The following OR6C2 variants were observed in gnomAD, a reference collection of about 807,000 sequenced individuals.
The protein encoded by OR6C2 is olfactory receptor family 6 subfamily C member 2.
For missense variants in OR6C2, 435 were observed against 365.8 expected, an observed-to-expected ratio of 1.19 and a Z score of -1.54; for synonymous variants, 146 against 134.2, an observed-to-expected ratio of 1.09 and a Z score of -0.61.
chr12:55,450,465 C>A (rs747966910), intron 1 of OR6C2, among the ~76,000 whole-genome samples: 18 of 152,096 alleles, frequency 1.2e-4, no homozygotes, highest in South Asian at 4.1e-4. Flanking sequence ...AAGAGCCTGG[C>A]AGTCCACATG....
chr12:55,445,371 T>C (rs1328059166), intron 1 of OR6C2, among the ~76,000 whole-genome samples: 7 of 152,200 alleles, frequency 4.6e-5, no homozygotes, highest in South Asian at 4.1e-4. Flanking sequence ...AGGAATTCAT[T>C]TTCCCAGGCC....
chr12:55,449,230 G>T (rs547555777), intron 1 of OR6C2, among the ~76,000 whole-genome samples: 1 of 151,976 alleles, frequency 6.6e-6, no homozygotes, highest in East Asian at 1.9e-4. Flanking sequence ...TCTTGACATT[G>T]CAGTATAAGC....
intron 1 of OR6C2, among the ~76,000 whole-genome samples, chr12:55,449,838 A>G (rs10783744): frequency 0.75 from 113,700 of 151,700 alleles, 42,792 homozygotes; most frequent in East Asian, 0.89. Context: ...AAAGAAAGAA[A>G]TAGTTCAGAG....
intron 1 of OR6C2, among the ~76,000 whole-genome samples, 188 bp from the exon 2 acceptor site, chr12:55,451,139 C>T (rs942783303): frequency 1.3e-5 from 2 of 151,908 alleles, no homozygotes; most frequent in South Asian, 4.2e-4. Context: ...AGTTGTCCAT[C>T]CCCTCAAGCA....
chr12:55,450,401 G>A (rs1289669492), intron 1 of OR6C2, among the ~76,000 whole-genome samples: 3 of 152,086 alleles, frequency 2.0e-5, no homozygotes, highest in African/African-American at 4.8e-5. Context: ...GAAGAAGAAA[G>A]GTAAGAAAAT....
intron 1 of OR6C2, among the ~76,000 whole-genome samples, chr12:55,447,323 G>T (rs117208460): frequency 1.4e-5 from 2 of 144,524 alleles, no homozygotes; most frequent in Admixed American, 6.9e-5. Context: ...TAGTTTTTGG[G>T]TTTTTTTTTT....
At position 55,453,125 on chromosome 12, in the gene OR6C2, G is replaced by C. The variant is rs763541826; in HGVS notation, c.912G>C (p.Lys304Asn). ...QVKQAFSDSIKRIAFLSKK is the reference protein window; with the variant it reads ...QVKQAFSDSINRIAFLSKK ...AACAAGCTTTCAGTGACTCTATAAA[G>C]AGGATTGCATTTCTCTCAAAGAAGT... Residue 304 changes from lysine to asparagine, a missense_variant, in exon 2 of 2, where the codon AAG (lysine) becomes AAC (asparagine). Physicochemically the swap from Lys to Asn is moderately conservative, Grantham distance 94. Transcript: ENST00000641202. 2.5e-6 allele frequency: 4 copies of C among 1,612,604 alleles called. No individual in the cohort carries two copies. Among genetic ancestry groups the C allele is most frequent in the South Asian group, 1.1e-5 (1 of 90,990 alleles).
intron 1 of OR6C2, among the ~76,000 whole-genome samples, chr12:55,447,851 C>CAACA: frequency 6.6e-6 from 1 of 151,794 alleles, no homozygotes; most frequent in East Asian, 1.9e-4. Flanking sequence ...GCATATATAC[C>CAACA]AACAGGTGGG....
rs1871529312 is a variant in OR6C2, at chr12:55,453,253, T to C, written c.*101T>C. Reference sequence around the variant, plus strand: ...TTGCTTCCTGACTACAGTTTAGTCATGTGAACCTTCTCAATGACATTTAAT... The same window carrying C: ...TTGCTTCCTGACTACAGTTTAGTCACGTGAACCTTCTCAATGACATTTAAT... On this transcript the variant is annotated 3_prime_UTR_variant, in exon 2 of 2. Coordinates refer to ENST00000641202, the MANE Select transcript of OR6C2 (RefSeq NM_054105.2). 1 of 775,212 alleles carries C rather than the reference T, an allele frequency of 1.3e-6. No homozygotes were observed. 48.0% of individuals were successfully genotyped at this position (775,212 alleles called of 1,614,324 possible). A position where few individuals can be genotyped will look rare whatever the true frequency, so the allele number is the denominator to read the frequency against.
At chr12:55,448,251 A>G (rs192111837) in intron 1 of OR6C2, among the ~76,000 whole-genome samples, 76 of 151,908 alleles carry the variant, frequency 5.0e-4, no homozygotes, top group African/African-American at 1.8e-3. Context: ...TTAAGCCCTT[A>G]TCAGATATAT....
rs914196836 is a variant in OR6C2, at chr12:55,452,348, C to T, written c.135C>T (p.Thr45=). 6.2e-7 allele frequency: 1 copy of T among 1,613,596 alleles called. No homozygotes were observed. Among genetic ancestry groups the T allele is most frequent in the South Asian group, 1.1e-5 (1 of 91,042 alleles). ...LSVTGNLTII[T]LTLVDHHLKT... is the part of the protein sequence containing the mutation. Reference sequence around the variant, plus strand: ...TAACAGGGAACCTGACTATTATCACCCTCACATTGGTGGACCACCACCTTA... The same window carrying T: ...TAACAGGGAACCTGACTATTATCACTCTCACATTGGTGGACCACCACCTTA... The change falls in exon 2 of 2, where the codon ACC becomes ACT. Residue 45 remains threonine (T), a synonymous_variant. Coordinates refer to ENST00000641202, the MANE Select transcript of OR6C2 (RefSeq NM_054105.2).
chr12:55,445,924 G>C (rs865948901), intron 1 of OR6C2, among the ~76,000 whole-genome samples: 1 of 151,948 alleles, frequency 6.6e-6, no homozygotes, highest in East Asian at 1.9e-4. Context: ...TATCCACTAG[G>C]GCCTAACCTC....
At position 55,452,871 on chromosome 12, in the gene OR6C2, G is replaced by A. The variant is rs777057429; in HGVS notation, c.658G>A (p.Val220Ile). The A allele has an allele frequency of 6.2e-7, 1 of 1,613,804 alleles. No individual in the cohort carries two copies. The highest frequency in any genetic ancestry group is 1.1e-5 in the South Asian group (1 of 91,068). Reference sequence around the variant, plus strand: ...TGTGATTCTGTCCTACTTGTACATAGTCAGAACAATTCTGAAGTTCCCTTC... The same window carrying A: ...TGTGATTCTGTCCTACTTGTACATAATCAGAACAATTCTGAAGTTCCCTTC... ...VCVILSYLYI[V>I]RTILKFPSVQ... is the part of the protein sequence containing the mutation. Residue 220 changes from valine to isoleucine, a missense_variant, in exon 2 of 2, where the codon GTC (valine) becomes ATC (isoleucine). By Grantham distance (29) the Val-to-Ile change is conservative (BLOSUM62 3). Transcript: ENST00000641202.
At chr12:55,446,783 T>C (rs1871370505) in intron 1 of OR6C2, among the ~76,000 whole-genome samples, 1 of 151,868 alleles carries the variant, frequency 6.6e-6, no homozygotes. Context: ...TCTTAGTCAA[T>C]ACAATATAAA....
chr12:55,446,786 A>C (rs1191962867), intron 1 of OR6C2, among the ~76,000 whole-genome samples: 5 of 152,196 alleles, frequency 3.3e-5, no homozygotes, highest in Non-Finnish European at 7.3e-5. Context: ...TAGTCAATAC[A>C]ATATAAAGAC....
chr12:55,453,220 T>A lies in OR6C2; in HGVS notation c.*68T>A. On this transcript the variant is annotated 3_prime_UTR_variant, in exon 2 of 2. Transcript: ENST00000641202. ...TAAATGTCATCCTACAGCTTTTAAC[T>A]TATTTCATTGCTTCCTGACTACAGT... The A allele has an allele frequency of 9.0e-7, 1 of 1,115,528 alleles. No homozygotes were observed. The highest frequency in any genetic ancestry group is 2.1e-4 in the Middle Eastern group (1 of 4,708). 69.1% of individuals were successfully genotyped at this position (1,115,528 alleles called of 1,614,324 possible). A position where few individuals can be genotyped will look rare whatever the true frequency, so the allele number is the denominator to read the frequency against.
chr12:55,449,057 A>G (rs1033140564), intron 1 of OR6C2, among the ~76,000 whole-genome samples: 2 of 151,974 alleles, frequency 1.3e-5, no homozygotes, highest in Admixed American at 6.6e-5. Flanking sequence ...AAATAAAAAG[A>G]CTATTTCACT....
At chr12:55,447,326 T>G (rs1235993230) in intron 1 of OR6C2, among the ~76,000 whole-genome samples, 3 of 151,316 alleles carry the variant, frequency 2.0e-5, no homozygotes, top group South Asian at 2.1e-4. Context: ...TTTTTGGGTT[T>G]TTTTTTTTTT....
At position 55,452,130 on chromosome 12, in the gene OR6C2, T is replaced by C. The variant is rs1044283936; in HGVS notation, c.-84T>C. 6.0e-5 allele frequency: 50 copies of C among 839,052 alleles called. No individual in the cohort carries two copies. The highest frequency in any genetic ancestry group is 8.0e-5 in the Non-Finnish European group (43 of 535,834). The allele number at this position is 839,052 out of a possible 1,614,324, so 52.0% of individuals were successfully genotyped here. On this transcript the variant is annotated 5_prime_UTR_variant, in exon 2 of 2. Transcript: ENST00000641202. ...GGTCAGCTTGGCTTCTAGATGCATATCCTTTTGCTATAGAATTCAAATATC... is the reference window on the plus strand; with the variant it reads ...GGTCAGCTTGGCTTCTAGATGCATACCCTTTTGCTATAGAATTCAAATATC...
Sources: allele counts gnomAD v4.1 joint callset (sites outside exome capture counted in the v4.1 genomes callset), GRCh38; gene constraint gnomAD v4.1.1; transcripts MANE v1.5; gene names NCBI Gene and HGNC (gene_info 2026-07-23, HGNC 2026-07-21).